ZNF573: variants seen among roughly 807,000 people sequenced by gnomAD.
The protein encoded by ZNF573 is zinc finger protein 573.
A neutral mutation model predicts 57.4 loss-of-function variants in ZNF573; 41 were observed. The observed-to-expected ratio is 0.71, with a 90% CI of 0.56 to 0.93. ZNF573 has a LOEUF of 0.93. ZNF573 is among the 40% of genes least tolerant of loss of function. ZNF573 has a pLI of 0.00. For missense variants in ZNF573, 730 were observed against 794.8 expected (o/e 0.92, Z 0.98); for synonymous variants, 249 against 261.0 (o/e 0.95, Z 0.44).
At chr19:37,753,354 C>A (rs1297763161) in intron 4 of ZNF573, among the ~76,000 whole-genome samples, 1 of 151,924 alleles carries the variant, frequency 6.6e-6, no homozygotes, top group Non-Finnish European at 1.5e-5. Flanking sequence ...AAGTATTTAT[C>A]CTTTGTGCTA....
chr19:37,764,573 C>A (rs991614022), intron 4 of ZNF573, among the ~76,000 whole-genome samples: 2 of 150,834 alleles, frequency 1.3e-5, no homozygotes, highest in African/African-American at 4.9e-5. Context: ...CCCGCCTTGG[C>A]CTCCCAAAGT....
chr19:37,749,173 G>T (rs1205007604), intron 4 of ZNF573, among the ~76,000 whole-genome samples: 1 of 151,840 alleles, frequency 6.6e-6, no homozygotes, highest in Non-Finnish European at 1.5e-5. Context: ...TTACCATCAA[G>T]TGAGCCAAGA....
At chr19:37,744,926 C>T (rs1371259593) in intron 4 of ZNF573, among the ~76,000 whole-genome samples, 1 of 151,502 alleles carries the variant, frequency 6.6e-6, no homozygotes, top group Admixed American at 6.6e-5. Context: ...GGACTACAGG[C>T]ACCCGCCACC....
At chr19:37,774,704 T>C (rs913380612) in intron 1 of ZNF573, among the ~76,000 whole-genome samples, 4 of 152,206 alleles carry the variant, frequency 2.6e-5, no homozygotes, top group Non-Finnish European at 5.9e-5. Flanking sequence ...TATCATTGGA[T>C]CGTTAAAAAG....
rs1352873690 is a variant in ZNF573 at position 37,738,595 on chromosome 19, T to C, written c.1895A>G (p.His632Arg). 6.2e-7 allele frequency: 1 copy of C among 1,610,570 alleles called. No homozygotes were observed. Among genetic ancestry groups the C allele is most frequent in the African/African-American group, 1.3e-5 (1 of 74,834 alleles). ...ASNLVQHERIHTGEKPYVCKQ... is the reference protein window; with the variant it reads ...ASNLVQHERIRTGEKPYVCKQ... ...ACACACATAGGGTTTCTCACCAGTA[T>C]GAATTCTCTCATGTTGAACAAGGTT... Residue 632 changes from histidine (H) to arginine (R), a missense_variant, in exon 5 of 5, where the codon CAT (histidine) becomes CGT (arginine). By Grantham distance (29) the His-to-Arg change is conservative. Coordinates refer to ENST00000536220, the MANE Select transcript of ZNF573 (RefSeq NM_001172690.2).
At chr19:37,760,558 T>C (rs1362197781) in intron 4 of ZNF573, among the ~76,000 whole-genome samples, 2 of 152,174 alleles carry the variant, frequency 1.3e-5, no homozygotes, top group East Asian at 3.9e-4. Flanking sequence ...GTGCGGTGGC[T>C]CAAGCCTGTA....
At chr19:37,777,452 A>T (rs1451021086) in intron 1 of ZNF573, among the ~76,000 whole-genome samples, 1 of 152,218 alleles carries the variant, frequency 6.6e-6, no homozygotes, top group Non-Finnish European at 1.5e-5. Flanking sequence ...ACACTATGGA[A>T]TACTACTCAG....
chr19:37,773,479 G>T (rs1023131863), intron 2 of ZNF573, among the ~76,000 whole-genome samples, 182 bp downstream of exon 2: 1 of 152,126 alleles, frequency 6.6e-6, no homozygotes, highest in African/African-American at 2.4e-5. Flanking sequence ...AAATATAAAA[G>T]TGGACAGAAA....
chr19:37,744,740 C>CAAAAAAAAAAAAAAAAGAA (rs1266002202), intron 4 of ZNF573, among the ~76,000 whole-genome samples: 2 of 38,598 alleles, frequency 5.2e-5, no homozygotes, highest in South Asian at 7.9e-4. Context: ...GACCCTATCT[C>CAAAAAAAAAAAAAAAAGAA]AAAAAAAAAA....
chr19:37,743,979 C>A (rs1029395869), intron 4 of ZNF573, among the ~76,000 whole-genome samples: 1 of 151,974 alleles, frequency 6.6e-6, no homozygotes, highest in Non-Finnish European at 1.5e-5. Context: ...CACACCAGGG[C>A]CTGTTGGGGG....
At chr19:37,753,441 C>T (rs993173781) in intron 4 of ZNF573, among the ~76,000 whole-genome samples, 11 of 151,496 alleles carry the variant, frequency 7.3e-5, no homozygotes, top group South Asian at 2.1e-4. Flanking sequence ...CACTTTGTTG[C>T]GCTATCAAAT....
At chr19:37,761,237 T>C (rs1469116553) in intron 4 of ZNF573, among the ~76,000 whole-genome samples, 1 of 152,064 alleles carries the variant, frequency 6.6e-6, no homozygotes, top group East Asian at 1.9e-4. Flanking sequence ...AAATCTACTG[T>C]TGGAAGCTAA....
chr19:37,759,269 G>T, intron 4 of ZNF573: 1 of 400,638 alleles, frequency 2.5e-6, no homozygotes, highest in Non-Finnish European at 3.4e-6. Flanking sequence ...GAAATTTATA[G>T]CAATATCAGA....
At position 37,758,880 on chromosome 19, in the gene ZNF573, A is replaced by C. The variant is rs561902800; in HGVS notation, c.295+11125T>G. ...AAATATCATAAACATATAACAAGTA[A>C]GTCCAACTCAAAATAATACAAAGTA... is the stretch of plus-strand genomic sequence containing the variant. On this transcript the variant is annotated intron_variant, in intron 4 of 4. Transcript: ENST00000536220. 2.0e-4 allele frequency among the ~76,000 whole-genome samples: 30 copies of C among 152,314 alleles called. No homozygotes were observed. The East Asian group carries it at 4.8e-3, about 24-fold the overall frequency.
At chr19:37,764,323 T>G (rs1301885859) in intron 4 of ZNF573, among the ~76,000 whole-genome samples, 5 of 150,122 alleles carry the variant, frequency 3.3e-5, no homozygotes, top group Non-Finnish European at 7.4e-5. Context: ...TTTTTTTTTT[T>G]GTTGTTTTTT....
intron 4 of ZNF573, among the ~76,000 whole-genome samples, chr19:37,744,740 CAAAAAAAAAAAAAAAAGAA>C (rs1266002202): frequency 2.6e-5 from 1 of 38,636 alleles, no homozygotes; most frequent in Non-Finnish European, 5.3e-5. Context: ...GACCCTATCT[CAAAAAAAAAAAAAAAAGAA>C]AAAAAAAAAG....
chr19:37,745,086 A>C (rs2045368201), intron 4 of ZNF573, among the ~76,000 whole-genome samples: 1 of 148,790 alleles, frequency 6.7e-6, no homozygotes, highest in Non-Finnish European at 1.5e-5. Context: ...CCGGCCAGGA[A>C]ATACTTAAAG....
intron 2 of ZNF573, among the ~76,000 whole-genome samples, chr19:37,772,517 AT>A (rs760889148): frequency 6.6e-5 from 10 of 152,344 alleles, no homozygotes; most frequent in Non-Finnish European, 1.2e-4. Flanking sequence ...GTCAGAGCAC[AT>A]AAGCATTTTT....
Position 37,740,033 on chromosome 19 carries a change from G to C in ZNF573, c.457C>G (p.His153Asp), listed in dbSNP as rs188986811. 1.2e-5 allele frequency: 19 copies of C among 1,614,114 alleles called. No homozygotes were observed. The African/African-American group carries it at 2.4e-4, about 20-fold the overall frequency. The stretch of plus-strand genomic sequence containing the variant: ...GGTCTCTCAATGACATGAAACCTGT[G>C]ATGTAGAATAAGTTGATAACCACTA... Reference protein sequence around the residue: ...FSSGYQLILHHRFHVIERPYE... With the variant: ...FSSGYQLILHDRFHVIERPYE... The change falls in exon 5 of 5, where the codon CAC becomes GAC. Residue 153 changes from histidine to aspartate, a missense_variant. His to Asp is a moderately conservative substitution (Grantham distance 81, BLOSUM62 -1). Transcript: ENST00000536220.
Sources: gnomAD v4.1 joint callset for allele counts (sites outside exome capture counted in the v4.1 genomes callset) on GRCh38, gnomAD v4.1.1 for gene constraint, MANE v1.5 for transcripts, NCBI Gene and HGNC (gene_info 2026-07-23, HGNC 2026-07-21) for gene names.